The following ADARB1 variants were observed in gnomAD, a reference collection of about 807,000 sequenced individuals.
The protein encoded by ADARB1 is double-stranded RNA-specific editase 1.
ADARB1 carries 10 observed loss-of-function variants against 52.4 expected under a neutral mutation model. The ratio of observed to expected loss-of-function variants is 0.19; its 90% CI spans 0.12 to 0.32. The LOEUF is 0.32. Ranked by LOEUF, ADARB1 falls within the 10% of genes least tolerant of loss-of-function variation. The pLI, the probability that ADARB1 is intolerant of heterozygous loss-of-function variation, is 1.00. For missense variants in ADARB1, 643 were observed against 922.3 expected (o/e 0.70, Z 3.92); for synonymous variants, 349 against 371.1 (o/e 0.94, Z 0.68).
At chr21:45,168,673 C>T (rs1042129319) in intron 2 of ADARB1, among the ~76,000 whole-genome samples, 2 of 152,186 alleles carry the variant, frequency 1.3e-5, no homozygotes, top group Non-Finnish European at 2.9e-5. Flanking sequence ...CCCTTGCCAA[C>T]ACTGTACCGT....
intron 2 of ADARB1, among the ~76,000 whole-genome samples, chr21:45,143,704 G>T (rs1251834388): frequency 6.6e-6 from 1 of 152,216 alleles, no homozygotes; most frequent in Non-Finnish European, 1.5e-5. Context: ...TTCCTGGGCG[G>T]TTTCAGGTGC....
intron 1 of ADARB1, among the ~76,000 whole-genome samples, chr21:45,102,561 C>T (rs892463395): frequency 2.0e-5 from 3 of 152,120 alleles, no homozygotes; most frequent in East Asian, 1.9e-4. Context: ...AAGGAAATGC[C>T]GAGAAACAAA....
At chr21:45,203,267 TTCC>T (rs983257242) in intron 8 of ADARB1, among the ~76,000 whole-genome samples, 5 of 152,154 alleles carry the variant, frequency 3.3e-5, no homozygotes, top group African/African-American at 1.2e-4. Context: ...GGGACATGCG[TTCC>T]TCCCTCAGCC....
chr21:45,140,182 A>G (rs903854547), intron 2 of ADARB1, among the ~76,000 whole-genome samples: 2 of 152,022 alleles, frequency 1.3e-5, no homozygotes, highest in African/African-American at 4.8e-5. Flanking sequence ...ACCTCGGGTG[A>G]TCCACCCACC....
chr21:45,112,861 T>G (rs2087606318), intron 1 of ADARB1, among the ~76,000 whole-genome samples: 1 of 151,976 alleles, frequency 6.6e-6, no homozygotes, highest in Non-Finnish European at 1.5e-5. Flanking sequence ...ATCTCAAAGA[T>G]GGAGAGTGTC....
At chr21:45,088,377 G>A (rs1486573900) in intron 1 of ADARB1, among the ~76,000 whole-genome samples, 2 of 152,178 alleles carry the variant, frequency 1.3e-5, no homozygotes, top group African/African-American at 4.8e-5. Flanking sequence ...CAACCTGGAG[G>A]AGCCCCATGG....
intron 2 of ADARB1, among the ~76,000 whole-genome samples, chr21:45,166,242 G>T (rs2091251327): frequency 6.6e-6 from 1 of 151,964 alleles, no homozygotes; most frequent in Non-Finnish European, 1.5e-5. Flanking sequence ...TCTATAAAAA[G>T]GTATAAAGAA....
chr21:45,121,812 T>G (rs958142730), intron 1 of ADARB1, among the ~76,000 whole-genome samples: 4 of 152,232 alleles, frequency 2.6e-5, no homozygotes, highest in African/African-American at 9.6e-5. Context: ...ACTAACTGTT[T>G]GTATCTCCTT....
intron 1 of ADARB1, among the ~76,000 whole-genome samples, chr21:45,091,540 AT>A (rs1346632429): frequency 6.6e-6 from 1 of 152,190 alleles, no homozygotes; most frequent in African/African-American, 2.4e-5. Flanking sequence ...ATGAGACCTT[AT>A]TCCCCACCAG....
chr21:45,192,630 G>A (rs2092329376), intron 8 of ADARB1, among the ~76,000 whole-genome samples: 1 of 152,154 alleles, frequency 6.6e-6, no homozygotes, highest in African/African-American at 2.4e-5. Flanking sequence ...CCTGGAAGAT[G>A]AGATGCCACT....
Position 45,176,609 on chromosome 21 carries a change from A to G in ADARB1, c.908A>G (p.Gln303Arg). 1 of 1,614,042 alleles carries G rather than the reference A, an allele frequency of 6.2e-7. No homozygotes were observed. Among genetic ancestry groups the G allele is most frequent in the Non-Finnish European group, 8.5e-7 (1 of 1,179,970 alleles). Residue 303 changes from glutamine to arginine, a missense_variant, in exon 4 of 11, where the codon CAG becomes CGG. Gln to Arg is a conservative substitution (Grantham distance 43, BLOSUM62 1). Transcript: ENST00000348831. This position sits in a 1 kb window ranked among gnomAD's most constrained non-coding sequence, Gnocchi z 5.8. ...LAAIFNLHLD[Q>R]TPSRQPIPSE... ...GCCATTTTTAACTTGCACTTGGATC[A>G]GACGCCATCTCGCCAGCCTATTCCC...
chr21:45,077,219 C>T (rs117741617), intron 1 of ADARB1, among the ~76,000 whole-genome samples: 2,766 of 152,286 alleles, frequency 0.018, 41 homozygotes, highest in East Asian at 0.047. Context: ...CTGTGATTAG[C>T]TCTGTGATCA....
At chr21:45,174,730 T>C (rs2091625603) in intron 3 of ADARB1, among the ~76,000 whole-genome samples, 1 of 149,314 alleles carries the variant, frequency 6.7e-6, no homozygotes, top group African/African-American at 2.5e-5. Context: ...TACATACATG[T>C]ATAAATCCAT....
intron 1 of ADARB1, among the ~76,000 whole-genome samples, chr21:45,085,407 CATAA>C (rs1369060416): frequency 6.6e-6 from 1 of 152,216 alleles, no homozygotes; most frequent in East Asian, 1.9e-4. Context: ...TAGACCTAAG[CATAA>C]ATAGTGTGAA....
chr21:45,165,182 A>G (rs1035957990), intron 2 of ADARB1, among the ~76,000 whole-genome samples: 1 of 152,170 alleles, frequency 6.6e-6, no homozygotes, highest in Non-Finnish European at 1.5e-5. Context: ...TTAGTGAGGA[A>G]GGAACTAGAG....
chr21:45,111,284 G>C (rs2087522760), intron 1 of ADARB1, among the ~76,000 whole-genome samples: 1 of 152,148 alleles, frequency 6.6e-6, no homozygotes, highest in Non-Finnish European at 1.5e-5. Context: ...CTGTTTGTTT[G>C]TTTTTAACGT....
intron 2 of ADARB1, among the ~76,000 whole-genome samples, chr21:45,148,225 T>G (rs1365024684): frequency 6.6e-6 from 1 of 152,274 alleles, no homozygotes; most frequent in East Asian, 1.9e-4. Flanking sequence ...TGCCCACCAG[T>G]TCCCAAGCCC....
intron 2 of ADARB1, among the ~76,000 whole-genome samples, chr21:45,167,146 G>A (rs1198742344): frequency 2.0e-5 from 3 of 152,138 alleles, no homozygotes; most frequent in Admixed American, 6.5e-5. Flanking sequence ...TAATGTGGGC[G>A]GTACCTGCAG....
At chr21:45,136,442 A>G (rs2089378991) in intron 2 of ADARB1, among the ~76,000 whole-genome samples, 2 of 152,240 alleles carry the variant, frequency 1.3e-5, no homozygotes, top group Admixed American at 6.5e-5. Flanking sequence ...GGTGCAGACA[A>G]GTGGAACTGC....
Sources: allele counts gnomAD v4.1 joint callset (sites outside exome capture counted in the v4.1 genomes callset), GRCh38; gene constraint gnomAD v4.1.1; non-coding constraint Gnocchi (gnomAD v3.1); transcripts MANE v1.5; gene names NCBI Gene and HGNC (gene_info 2026-07-23, HGNC 2026-07-21).